The following EFNB2 variants were observed in gnomAD, a reference collection of about 807,000 sequenced individuals.
EFNB2 encodes ephrin-B2.
Under a neutral mutation model 32.1 loss-of-function variants are expected in EFNB2, and 5 were observed. The observed-to-expected ratio is 0.16, with a 90% CI of 0.08 to 0.33. EFNB2 has a LOEUF of 0.33. Among genes scored for constraint, EFNB2 ranks in the 10% least tolerant of loss-of-function variants. The pLI, the probability that EFNB2 is intolerant of heterozygous loss-of-function variation, is 1.00. For missense variants in EFNB2, 263 were observed against 422.6 expected, an observed-to-expected ratio of 0.62 and a Z score of 3.31; for synonymous variants, 168 against 166.5, an observed-to-expected ratio of 1.01 and a Z score of -0.07.
rs527995693 is a variant in EFNB2 at position 106,528,647 on chromosome 13, G to C, written c.122+6196C>G. ...AGACTTTCCTGTAATGCCAAATAGG[G>C]GGCAATCGAGCAAGTATTTCCTTCT... On this transcript the variant is annotated intron_variant, in intron 1 of 4. Transcript: ENST00000646441. 2.7e-3 allele frequency among the ~76,000 whole-genome samples: 409 copies of C among 152,214 alleles called. 2 individuals carry two copies. Among genetic ancestry groups the C allele is most frequent in the African/African-American group, 9.4e-3 (392 of 41,514 alleles).
intron 1 of EFNB2, among the ~76,000 whole-genome samples, chr13:106,530,973 A>C (rs918790978): frequency 6.6e-6 from 1 of 152,222 alleles, no homozygotes; most frequent in Non-Finnish European, 1.5e-5. Flanking sequence ...GGAACCATTC[A>C]AACACATAGT....
In EFNB2 at chr13:106,493,486, G is replaced by C. The variant is rs1878487482; in HGVS notation, c.614-58C>G. Reference sequence around the variant, plus strand: ...AGTTACTGCTGTCCCAGTGCAGACGGACTGCTTTTATGACCCTTAAAAATG... The same window carrying C: ...AGTTACTGCTGTCCCAGTGCAGACGCACTGCTTTTATGACCCTTAAAAATG... On this transcript the variant is annotated intron_variant, in intron 4 of 4. Coordinates refer to ENST00000646441, the MANE Select transcript of EFNB2 (RefSeq NM_004093.4). The surrounding 1 kb of genome is among the most constrained non-coding windows in gnomAD (Gnocchi z 6.1). 6.5e-7 allele frequency: 1 copy of C among 1,541,498 alleles called. No homozygotes were observed. The highest frequency in any genetic ancestry group is 1.9e-5 in the Admixed American group (1 of 51,900).
In EFNB2 at chr13:106,535,193, G is replaced by C. The variant is rs1275743398; in HGVS notation, c.-229C>G. The C allele has an allele frequency of 4.3e-5, 8 of 184,982 alleles. No individual in the cohort carries two copies. The highest frequency in any genetic ancestry group is 8.1e-5 in the Non-Finnish European group (8 of 99,222). 11.5% of individuals were successfully genotyped at this position (184,982 alleles called of 1,614,324 possible). ...CACGCGCGGGGCGCGGCGGCGCGGC[G>C]GACTCGGGGTTCCGGGGCGCCGCGC... On this transcript the variant is annotated 5_prime_UTR_variant, in exon 1 of 5. Coordinates refer to ENST00000646441, the MANE Select transcript of EFNB2 (RefSeq NM_004093.4).
At position 106,522,716 on chromosome 13, in the gene EFNB2, T is replaced by C. The variant is rs150346518; in HGVS notation, c.123-9904A>G. Among the ~76,000 whole-genome samples, 55 of 152,234 alleles carry C rather than the reference T, an allele frequency of 3.6e-4. No individual in the cohort carries two copies. The East Asian group carries it at 9.5e-3, about 26-fold the overall frequency. On this transcript the variant is annotated intron_variant, in intron 1 of 4. Transcript: ENST00000646441. ...TTTTAACTACAAAGAATTTTGCCTATTGACAAAAATGATTCACCCATGTAT... is the reference window on the plus strand; with the variant it reads ...TTTTAACTACAAAGAATTTTGCCTACTGACAAAAATGATTCACCCATGTAT...
chr13:106,525,696 T>C (rs915941164), intron 1 of EFNB2, among the ~76,000 whole-genome samples: 2 of 152,202 alleles, frequency 1.3e-5, no homozygotes, highest in African/African-American at 2.4e-5. Context: ...CATTCCCTTC[T>C]TCTGTGTCCC....
rs751195816 is a variant in EFNB2, at chr13:106,494,916, C to T, written c.578G>A (p.Ser193Asn). ...TTTTACAAAGGGACTTGTTGTCGAA[C>T]TTCTTCCATTTGTACCAGCTTCTAG... ...PELEAGTNGR[S>N]STTSPFVKPN... The change falls in exon 4 of 5, where the codon AGT becomes AAT. Residue 193 changes from serine (S) to asparagine (N), a missense_variant. Physicochemically the swap from Ser to Asn is conservative, Grantham distance 46. Coordinates refer to ENST00000646441, the MANE Select transcript of EFNB2 (RefSeq NM_004093.4). The T allele has an allele frequency of 1.7e-5, 28 of 1,614,074 alleles. No homozygotes were observed. The highest frequency in any genetic ancestry group is 2.4e-5 in the Non-Finnish European group (28 of 1,180,026).
chr13:106,506,817 G>A (rs1176982566), intron 2 of EFNB2: 2 of 152,208 alleles, frequency 1.3e-5, no homozygotes, highest in Non-Finnish European at 2.9e-5. Flanking sequence ...CATCAACCCT[G>A]TGAAGCAGGT....
intron 2 of EFNB2, chr13:106,510,288 T>C (rs1217491693): frequency 6.6e-6 from 1 of 152,224 alleles, no homozygotes; most frequent in Non-Finnish European, 1.5e-5. Context: ...CTCTCATGTA[T>C]TAATAAAAAG....
At chr13:106,532,829 G>GC (rs1272636780) in intron 1 of EFNB2, among the ~76,000 whole-genome samples, 1 of 151,548 alleles carries the variant, frequency 6.6e-6, no homozygotes, top group Non-Finnish European at 1.5e-5. Context: ...GAATGGGGGG[G>GC]GGGAGTGGTG....
chr13:106,532,826 G>T (rs570473103), intron 1 of EFNB2, among the ~76,000 whole-genome samples: 3 of 151,718 alleles, frequency 2.0e-5, no homozygotes, highest in Non-Finnish European at 4.4e-5. Flanking sequence ...TCAGAATGGG[G>T]GGGGGGAGTG....
intron 3 of EFNB2, among the ~76,000 whole-genome samples, chr13:106,495,233 C>G (rs1878548524): frequency 6.6e-6 from 1 of 152,182 alleles, no homozygotes; most frequent in Non-Finnish European, 1.5e-5. Context: ...ATTTGGCAGG[C>G]AAAGCATTGC....
Position 106,534,983 on chromosome 13 carries a change from T to G in EFNB2, c.-19A>C. 1 of 1,611,848 alleles carries G rather than the reference T, an allele frequency of 6.2e-7. No individual in the cohort carries two copies. The highest frequency in any genetic ancestry group is 2.2e-5 in the East Asian group (1 of 44,668). On this transcript the variant is annotated 5_prime_UTR_variant, in exon 1 of 5. Transcript: ENST00000646441. ...CAGCCATGGCGAAGCCACTCCCAGC[T>G]CCGCGCACTCCGGGCCAAGAAGGGA...
intron 1 of EFNB2, among the ~76,000 whole-genome samples, chr13:106,522,232 C>T (rs936358172): frequency 3.9e-5 from 6 of 152,118 alleles, no homozygotes; most frequent in African/African-American, 1.2e-4. Context: ...CACGCCAGCT[C>T]CATTACTAAA....
Position 106,490,981 on chromosome 13 carries a change from C to T in EFNB2, c.*2059G>A, listed in dbSNP as rs1271325090. The stretch of plus-strand genomic sequence containing the variant: ...TCCAATTCAGAAAGCAAAGTGTTAC[C>T]ATAGTAACAGGACTATGTTAAAGAT... On this transcript the variant is annotated 3_prime_UTR_variant, in exon 5 of 5. Transcript: ENST00000646441. The T allele has an allele frequency of 1.3e-5, 2 of 152,336 alleles. No homozygotes were observed. The highest frequency in any genetic ancestry group is 1.9e-4 in the East Asian group (1 of 5,176). 9.4% of individuals were successfully genotyped at this position (152,336 alleles called of 1,614,324 possible).
Position 106,492,944 on chromosome 13 carries a change from A to T in EFNB2, c.*96T>A, listed in dbSNP as rs544759056. The T allele has an allele frequency of 3.4e-6, 5 of 1,470,632 alleles. No homozygotes were observed. In the African/African-American group the frequency reaches 5.6e-5, roughly 16 times the overall value. 91.1% of individuals were successfully genotyped at this position (1,470,632 alleles called of 1,614,324 possible). ...TCCCTCTCCCCCGGTGCTGTGCTTC[A>T]GTCAATTCTCCAGCACGCGGGCTCT... is the stretch of plus-strand genomic sequence containing the variant. On this transcript the variant is annotated 3_prime_UTR_variant, in exon 5 of 5. Coordinates refer to ENST00000646441, the MANE Select transcript of EFNB2 (RefSeq NM_004093.4). This position sits in a 1 kb window ranked among gnomAD's most constrained non-coding sequence, Gnocchi z 5.1.
In EFNB2 at chr13:106,500,191, C is replaced by T. The variant is rs551428100; in HGVS notation, c.407-4351G>A. On this transcript the variant is annotated intron_variant, in intron 2 of 4. Transcript: ENST00000646441. ...GTAGTACTCCATTTTCACATGTCTT[C>T]ATCTGATGTTCACCGCTCTGCTCCC... Among the ~76,000 whole-genome samples the T allele has an allele frequency of 1.2e-4, 18 of 152,314 alleles. No individual in the cohort carries two copies. In the South Asian group the frequency reaches 2.9e-3, roughly 25 times the overall value.
intron 1 of EFNB2, among the ~76,000 whole-genome samples, chr13:106,526,755 C>G (rs917263432): frequency 6.6e-6 from 1 of 152,110 alleles, no homozygotes; most frequent in African/African-American, 2.4e-5. Flanking sequence ...ACTCATGAGA[C>G]AATTCTGATT....
intron 2 of EFNB2, among the ~76,000 whole-genome samples, chr13:106,507,714 T>C (rs1051178177): frequency 6.6e-6 from 1 of 152,218 alleles, no homozygotes. Context: ...TCAGTGTTCC[T>C]TAAGGAAGAC....
At chr13:106,496,373 A>C (rs1878591586) in intron 2 of EFNB2, among the ~76,000 whole-genome samples, 1 of 152,192 alleles carries the variant, frequency 6.6e-6, no homozygotes. Flanking sequence ...AGCCTTATGC[A>C]TGCTTAAGAA....
Sources: allele counts gnomAD v4.1 joint callset (sites outside exome capture counted in the v4.1 genomes callset), GRCh38; gene constraint gnomAD v4.1.1; non-coding constraint Gnocchi (gnomAD v3.1); transcripts MANE v1.5; gene names NCBI Gene and HGNC (gene_info 2026-07-23, HGNC 2026-07-21).